WDFY2: variants seen among roughly 807,000 people sequenced by gnomAD.
WDFY2 encodes WD repeat and FYVE domain-containing protein 2.
A neutral mutation model predicts 56.4 loss-of-function variants in WDFY2; 36 were observed. That is an observed-to-expected ratio of 0.64 (90% CI 0.49 to 0.84). The LOEUF is 0.84. Among genes scored for constraint, WDFY2 ranks in the 40% least tolerant of loss-of-function variants. The probability of loss-of-function intolerance (pLI) is 0.00; values close to 1 mark genes in which losing one functional copy is unlikely to be tolerated. For synonymous variants in WDFY2, 176 were observed against 183.7 expected (o/e 0.96, Z 0.34); for missense variants, 444 against 512.2 (o/e 0.87, Z 1.29).
chr13:51,642,835 C>T (rs1955195496), intron 1 of WDFY2, among the ~76,000 whole-genome samples: 2 of 152,002 alleles, frequency 1.3e-5, no homozygotes, highest in Admixed American at 1.3e-4. Flanking sequence ...TGCACACCAC[C>T]ATACCCAGCT....
intron 1 of WDFY2, among the ~76,000 whole-genome samples, chr13:51,625,087 G>T (rs986339497): frequency 6.6e-6 from 1 of 152,218 alleles, no homozygotes; most frequent in African/African-American, 2.4e-5. Flanking sequence ...CTAACTAGGT[G>T]CAGGGTGGGG....
chr13:51,640,900 TTA>T (rs1267992670), intron 1 of WDFY2, among the ~76,000 whole-genome samples: 1 of 151,526 alleles, frequency 6.6e-6, no homozygotes, highest in Non-Finnish European at 1.5e-5. Context: ...CTGGGGATGA[TTA>T]TATCTTTGCT....
intron 4 of WDFY2, among the ~76,000 whole-genome samples, chr13:51,707,370 G>A (rs1305046392): frequency 6.6e-6 from 1 of 152,094 alleles, no homozygotes; most frequent in African/African-American, 2.4e-5. Flanking sequence ...TGTTGCCCAG[G>A]CTGGTCTCGA....
chr13:51,706,650 A>T (rs1449795416), intron 4 of WDFY2, among the ~76,000 whole-genome samples: 1 of 152,200 alleles, frequency 6.6e-6, no homozygotes, highest in Non-Finnish European at 1.5e-5. Context: ...ACCAGTTATA[A>T]CATGCTGGAA....
chr13:51,590,253 C>T (rs980533530), intron 1 of WDFY2: 1 of 152,170 alleles, frequency 6.6e-6, no homozygotes, highest in African/African-American at 2.4e-5. Flanking sequence ...AGCTGTCTTA[C>T]ACCTCAAGTG....
At chr13:51,715,925 T>C (rs1404186896) in intron 4 of WDFY2, among the ~76,000 whole-genome samples, 1 of 152,126 alleles carries the variant, frequency 6.6e-6, no homozygotes, top group Non-Finnish European at 1.5e-5. Flanking sequence ...CAAAAACTCA[T>C]ATGTACCTCT....
At chr13:51,734,982 T>C (rs1417940597) in intron 6 of WDFY2, among the ~76,000 whole-genome samples, 1 of 152,256 alleles carries the variant, frequency 6.6e-6, no homozygotes, top group Non-Finnish European at 1.5e-5. Flanking sequence ...GTGTCTGCAC[T>C]GCCTGGAATG....
chr13:51,597,959 G>T (rs969003552), intron 1 of WDFY2, among the ~76,000 whole-genome samples: 2 of 152,180 alleles, frequency 1.3e-5, no homozygotes, highest in African/African-American at 4.8e-5. Flanking sequence ...TTAAGATTTT[G>T]TGAAAGGAAA....
intron 5 of WDFY2, among the ~76,000 whole-genome samples, chr13:51,726,237 C>T (rs796338695): frequency 2.9e-4 from 43 of 149,132 alleles, no homozygotes; most frequent in African/African-American, 1.0e-3. Context: ...GCCCCCTCCA[C>T]ACACACTTGA....
chr13:51,709,925 A>G (rs767573556), intron 4 of WDFY2, among the ~76,000 whole-genome samples: 10 of 152,196 alleles, frequency 6.6e-5, no homozygotes, highest in African/African-American at 1.2e-4. Flanking sequence ...ATCCTCCCCA[A>G]TTCATTTTAT....
intron 7 of WDFY2, among the ~76,000 whole-genome samples, chr13:51,750,231 TTA>T (rs1953198242): frequency 6.6e-6 from 1 of 152,202 alleles, no homozygotes; most frequent in African/African-American, 2.4e-5. Flanking sequence ...AGGATTCAAC[TTA>T]TAAAAGCACT....
At chr13:51,657,350 G>A (rs577794593) in intron 1 of WDFY2, among the ~76,000 whole-genome samples, 8 of 152,130 alleles carry the variant, frequency 5.3e-5, no homozygotes, top group Non-Finnish European at 1.0e-4. Context: ...ATATTTACTC[G>A]TGTGGTGACC....
At chr13:51,721,837 T>A (rs997336258) in intron 5 of WDFY2, among the ~76,000 whole-genome samples, 1 of 152,166 alleles carries the variant, frequency 6.6e-6, no homozygotes, top group African/African-American at 2.4e-5. Context: ...TGCCAGAGGG[T>A]CTCAGCCAAG....
At chr13:51,744,470 G>C (rs1321171148) in intron 7 of WDFY2, among the ~76,000 whole-genome samples, 1 of 152,200 alleles carries the variant, frequency 6.6e-6, no homozygotes, top group Non-Finnish European at 1.5e-5. Flanking sequence ...TCTTAGAAGG[G>C]CCTCACACTT....
At chr13:51,655,512 C>A (rs1451890046) in intron 1 of WDFY2, among the ~76,000 whole-genome samples, 1 of 151,870 alleles carries the variant, frequency 6.6e-6, no homozygotes, top group Non-Finnish European at 1.5e-5. Context: ...TTATATTGAA[C>A]TACCCTTGCA....
Position 51,758,258 on chromosome 13 carries a change from C to A in WDFY2, c.1131C>A (p.Thr377=). Residue 377 remains threonine (T), a synonymous_variant, in exon 11 of 12, where the codon ACC becomes ACA. Transcript: ENST00000298125. ...HNIVHVHFDA[T]RGWLLTSGTD... ...TTGTGCATGTGCATTTCGATGCAACCAGAGGATGGTTACTGACTTCTGGAA... is the reference window on the plus strand; with the variant it reads ...TTGTGCATGTGCATTTCGATGCAACAAGAGGATGGTTACTGACTTCTGGAA... The A allele has an allele frequency of 6.2e-7, 1 of 1,601,794 alleles. No individual in the cohort carries two copies. The highest frequency in any genetic ancestry group is 8.5e-7 in the Non-Finnish European group (1 of 1,170,530).
chr13:51,746,857 G>A (rs1953116329), intron 7 of WDFY2, among the ~76,000 whole-genome samples: 2 of 152,182 alleles, frequency 1.3e-5, no homozygotes, highest in African/African-American at 2.4e-5. Flanking sequence ...TGTTCATTCA[G>A]TTCTATGAAT....
chr13:51,622,829 A>T (rs1213293133), intron 1 of WDFY2, among the ~76,000 whole-genome samples: 1 of 151,380 alleles, frequency 6.6e-6, no homozygotes, highest in Non-Finnish European at 1.5e-5. Context: ...TACCTTTAAA[A>T]GTGAAGGTAT....
At chr13:51,741,586 A>G (rs1952975753) in intron 7 of WDFY2, among the ~76,000 whole-genome samples, 1 of 152,178 alleles carries the variant, frequency 6.6e-6, no homozygotes, top group Non-Finnish European at 1.5e-5. Flanking sequence ...GCAGGGAACA[A>G]CTTGCGCAGC....
Sources: gnomAD v4.1 joint callset for allele counts (sites outside exome capture counted in the v4.1 genomes callset) on GRCh38, gnomAD v4.1.1 for gene constraint, MANE v1.5 for transcripts, NCBI Gene and HGNC (gene_info 2026-07-23, HGNC 2026-07-21) for gene names.